The following SUMF1 variants were observed in gnomAD, a reference collection of about 807,000 sequenced individuals.
SUMF1 encodes the protein sulfatase modifying factor 1.
Under a neutral mutation model 47.6 loss-of-function variants are expected in SUMF1, and 48 were observed. The observed-to-expected ratio is 1.01, with a 90% CI of 0.80 to 1.28. The LOEUF (loss-of-function observed/expected upper bound fraction) is 1.28, where lower values mean the gene tolerates loss of function less well. Ranked by LOEUF, SUMF1 falls within the 50% of genes most tolerant of loss-of-function variation. The probability of loss-of-function intolerance (pLI) is 0.00; values close to 1 mark genes in which losing one functional copy is unlikely to be tolerated. For synonymous variants in SUMF1, 230 were observed against 192.1 expected, an observed-to-expected ratio of 1.20 and a Z score of -1.63; for missense variants, 571 against 485.4, an observed-to-expected ratio of 1.18 and a Z score of -1.66.
chr3:4,357,264 C>T (rs546419948), downstream of SUMF1, among the ~76,000 whole-genome samples: 52 of 150,004 alleles, frequency 3.5e-4, no homozygotes, highest in Non-Finnish European at 7.1e-4. Context: ...AGTTTCAGAA[C>T]AGAAAGCACT....
intron 9 of SUMF1, among the ~76,000 whole-genome samples, chr3:4,036,486 C>T (rs1169371636): frequency 6.6e-6 from 1 of 151,994 alleles, no homozygotes; most frequent in Non-Finnish European, 1.5e-5. Flanking sequence ...AAAATGAAGG[C>T]TCTTTGGGGA....
chr3:4,106,315 A>C (rs545373689), intron 8 of SUMF1, among the ~76,000 whole-genome samples: 20 of 152,246 alleles, frequency 1.3e-4, no homozygotes, highest in Non-Finnish European at 2.9e-4. Flanking sequence ...ATCCGTTTGT[A>C]GTGATATTTC....
At chr3:4,371,906 C>G (rs2125208104) in intron 8 of SUMF1, among the ~76,000 whole-genome samples, 1 of 152,304 alleles carries the variant, frequency 6.6e-6, no homozygotes, top group South Asian at 2.1e-4. Context: ...GCACCCTTAA[C>G]CAGATGACAT....
At chr3:4,205,866 G>A (rs921270804) in intron 8 of SUMF1, among the ~76,000 whole-genome samples, 3 of 152,052 alleles carry the variant, frequency 2.0e-5, no homozygotes, top group African/African-American at 7.2e-5. Context: ...GGATGTGCTG[G>A]GTCACATCTG....
At chr3:4,204,664 C>T (rs80191512) in intron 8 of SUMF1, among the ~76,000 whole-genome samples, 3,864 of 152,022 alleles carry the variant, frequency 0.025, 173 homozygotes, top group African/African-American at 0.088. Flanking sequence ...ATGCTTCATG[C>T]CTTTTCTTTT....
At chr3:4,345,845 C>T (rs924072760) in intron 8 of SUMF1, among the ~76,000 whole-genome samples, 3 of 151,920 alleles carry the variant, frequency 2.0e-5, no homozygotes, top group Admixed American at 6.6e-5. Context: ...GGAAAATTTA[C>T]CAAGCAAATG....
At chr3:4,277,192 C>G (rs964662627) in intron 8 of SUMF1, among the ~76,000 whole-genome samples, 2 of 152,016 alleles carry the variant, frequency 1.3e-5, no homozygotes, top group African/African-American at 4.8e-5. Flanking sequence ...TATTCTGAAG[C>G]ACAGGCAGGT....
At position 4,467,237 on chromosome 3, in the gene SUMF1, C is replaced by A. The variant is rs755989487; in HGVS notation, c.9G>T (p.Ala3=). The A allele has an allele frequency of 1.2e-6, 2 of 1,608,942 alleles. No homozygotes were observed. The highest frequency in any genetic ancestry group is 2.2e-5 in the South Asian group (2 of 89,992). ...GTCCACACACCAGCCCTAGTGCGGG[C>A]GCAGCCATGTTGTCCCGCGGGCCAT... MA[A]PALGLVCGRC... The change falls in exon 1 of 9, where the codon GCG becomes GCT. Residue 3 remains alanine, a synonymous_variant. Coordinates refer to ENST00000272902, the MANE Select transcript of SUMF1 (RefSeq NM_182760.4).
At chr3:4,189,296 C>T (rs1350586392) in intron 8 of SUMF1, among the ~76,000 whole-genome samples, 4 of 152,084 alleles carry the variant, frequency 2.6e-5, no homozygotes. Flanking sequence ...TTGCTATCAC[C>T]CACAATTCAC....
chr3:4,201,310 G>A (rs1337654690), intron 8 of SUMF1, among the ~76,000 whole-genome samples: 1 of 151,708 alleles, frequency 6.6e-6, no homozygotes, highest in Non-Finnish European at 1.5e-5. Context: ...CCTAGCTTCT[G>A]GTAACCATCA....
At chr3:4,227,736 G>T (rs746403699) in intron 8 of SUMF1, among the ~76,000 whole-genome samples, 16 of 152,114 alleles carry the variant, frequency 1.1e-4, no homozygotes, top group Non-Finnish European at 2.1e-4. Flanking sequence ...GGAGTTAAGA[G>T]GTGGGAGGAG....
intron 9 of SUMF1, among the ~76,000 whole-genome samples, chr3:4,044,987 C>T (rs976055472): frequency 5.3e-5 from 8 of 152,126 alleles, no homozygotes; most frequent in Non-Finnish European, 1.2e-4. Context: ...AACTTCCTAC[C>T]CTCTGCTTCT....
intron 8 of SUMF1, among the ~76,000 whole-genome samples, chr3:4,367,680 C>T (rs1002441154): frequency 6.4e-4 from 97 of 152,166 alleles, no homozygotes; most frequent in African/African-American, 2.0e-3. Context: ...GAAATAACGC[C>T]GCATGTCTAC....
In SUMF1 at chr3:4,066,933, C is replaced by T. The variant is rs114669426; in HGVS notation, c.1191+1636G>A. 3.7e-3 allele frequency among the ~76,000 whole-genome samples: 569 copies of T among 152,262 alleles called. 6 individuals carry two copies. Among genetic ancestry groups the T allele is most frequent in the African/African-American group, 0.013 (540 of 41,548 alleles). ...ATTCCTTGTTTGCCCTATCCTCTGCCCATTTCTCAACTGGATGGTGTTCCT... is the reference window on the plus strand; with the variant it reads ...ATTCCTTGTTTGCCCTATCCTCTGCTCATTTCTCAACTGGATGGTGTTCCT... On this transcript the variant is annotated intron_variant and NMD_transcript_variant, in intron 9 of 12. Transcript: ENST00000448413.
At chr3:4,219,975 T>C (rs1357817216) in intron 8 of SUMF1, among the ~76,000 whole-genome samples, 2 of 151,012 alleles carry the variant, frequency 1.3e-5, no homozygotes, top group Admixed American at 6.6e-5. Flanking sequence ...TGAGCTGGAG[T>C]AGAAAGACTG....
At position 4,206,833 on chromosome 3, in the gene SUMF1, T is replaced by C. The variant is rs1020521150; in HGVS notation, c.1015-138088A>G. On this transcript the variant is annotated intron_variant and NMD_transcript_variant, in intron 8 of 12. Transcript: ENST00000448413. ...TCTTTTTTTTTTAAATTTTGTTTAT[T>C]CTAGGTACTCTGCATTTCCACTTAA... Among the ~76,000 whole-genome samples the C allele has an allele frequency of 2.0e-5, 3 of 152,234 alleles. No homozygotes were observed. In the East Asian group the frequency reaches 5.8e-4, roughly 29 times the overall value.
intron 8 of SUMF1, among the ~76,000 whole-genome samples, chr3:4,108,461 C>G (rs1008996166): frequency 2.0e-5 from 3 of 151,998 alleles, no homozygotes; most frequent in Non-Finnish European, 2.9e-5. Context: ...GAGCTGAGTT[C>G]AATTCCTGGA....
intron 8 of SUMF1, among the ~76,000 whole-genome samples, chr3:4,144,483 G>C (rs1694148232): frequency 6.6e-6 from 1 of 152,064 alleles, no homozygotes; most frequent in Admixed American, 6.6e-5. Flanking sequence ...CTGGATCTAG[G>C]AGAAGACAAA....
intron 8 of SUMF1, among the ~76,000 whole-genome samples, chr3:4,185,693 T>C (rs1162034030): frequency 3.3e-5 from 5 of 152,200 alleles, no homozygotes; most frequent in African/African-American, 1.2e-4. Context: ...TATAAATTAA[T>C]AGATCAATTG....
Sources: gnomAD v4.1 joint callset for allele counts (sites outside exome capture counted in the v4.1 genomes callset) on GRCh38, gnomAD v4.1.1 for gene constraint, MANE v1.5 for transcripts, NCBI Gene and HGNC (gene_info 2026-07-23, HGNC 2026-07-21) for gene names.